Variants in PARP8 observed in about 807,000 individuals in gnomAD.
PARP8 encodes the protein poly(ADP-ribose) polymerase family member 8.
PARP8 carries 51 observed loss-of-function variants against 124.1 expected under a neutral mutation model. That is an observed-to-expected ratio of 0.41 (90% CI 0.33 to 0.52). The LOEUF is 0.52. Among genes scored for constraint, PARP8 ranks in the 20% least tolerant of loss-of-function variants. The pLI, the probability that PARP8 is intolerant of heterozygous loss-of-function variation, is 0.21. For synonymous variants in PARP8, 391 were observed against 361.5 expected (o/e 1.08, Z -0.93); for missense variants, 860 against 1,018.9 (o/e 0.84, Z 2.12).
chr5:50,827,560 A>G (rs1746486023), intron 19 of PARP8, among the ~76,000 whole-genome samples: 1 of 152,188 alleles, frequency 6.6e-6, no homozygotes, highest in Non-Finnish European at 1.5e-5. Flanking sequence ...AAACTCCAGA[A>G]TATTTCCCCA....
At chr5:50,768,671 C>A (rs1761291275) in intron 7 of PARP8, among the ~76,000 whole-genome samples, 1 of 152,150 alleles carries the variant, frequency 6.6e-6, no homozygotes, top group South Asian at 2.1e-4. Flanking sequence ...TGTCTAGCTT[C>A]ACAATTCAAG....
chr5:50,748,065 A>G (rs1758811266), intron 2 of PARP8, among the ~76,000 whole-genome samples: 1 of 151,680 alleles, frequency 6.6e-6, no homozygotes, highest in Non-Finnish European at 1.5e-5. Flanking sequence ...TTCAGGCTCT[A>G]TTTACTTTTT....
chr5:50,707,566 T>G (rs1239019271), intron 2 of PARP8, among the ~76,000 whole-genome samples: 1 of 151,696 alleles, frequency 6.6e-6, no homozygotes, highest in African/African-American at 2.4e-5. Flanking sequence ...TTTGAAGATT[T>G]ACCCTTTGGA....
chr5:50,778,140 A>C lies in PARP8; in HGVS notation c.579+11A>C, dbSNP rs1387101177. ...GTTAGCTTTCTTGATGTAAGTATCA[A>C]TTTTATGTAATATGAATGGTGCATT... On this transcript the variant is annotated intron_variant, in intron 8 of 25. Transcript: ENST00000281631. 6.5e-7 allele frequency: 1 copy of C among 1,540,014 alleles called. No individual in the cohort carries two copies. Among genetic ancestry groups the C allele is most frequent in the Admixed American group, 1.8e-5 (1 of 56,266 alleles).
chr5:50,837,780 A>C (rs947730709), intron 25 of PARP8, among the ~76,000 whole-genome samples: 5 of 151,980 alleles, frequency 3.3e-5, no homozygotes, highest in African/African-American at 1.2e-4. Flanking sequence ...TAAAAATTTA[A>C]AGGAAGATAT....
intron 1 of PARP8, chr5:50,667,459 G>T: frequency 1.4e-6 from 1 of 700,418 alleles, no homozygotes; most frequent in Non-Finnish European, 2.6e-6. Context: ...GGGGCAGTGC[G>T]TGGTATTTCC....
intron 2 of PARP8, among the ~76,000 whole-genome samples, chr5:50,704,805 A>G (rs926090427): frequency 5.9e-5 from 9 of 152,204 alleles, no homozygotes; most frequent in Non-Finnish European, 1.2e-4. Context: ...GTAGCTTGCA[A>G]TATATTTCTT....
At chr5:50,835,981 A>G (rs1388074026) in intron 25 of PARP8, among the ~76,000 whole-genome samples, 6 of 152,144 alleles carry the variant, frequency 3.9e-5, no homozygotes, top group Non-Finnish European at 8.8e-5. Flanking sequence ...TACTTTATGT[A>G]GTATATTTAA....
At position 50,794,872 on chromosome 5, in the gene PARP8, C is replaced by A. The variant is rs1465355709; in HGVS notation, c.883C>A (p.Pro295Thr). Residue 295 changes from proline (P) to threonine (T), a missense_variant, in exon 12 of 26, where the codon CCT becomes ACT. Coordinates refer to ENST00000281631, the MANE Select transcript of PARP8 (RefSeq NM_024615.4). ...TLRRSPSYPP[P>T]GCGKSKSKLK... ...TTGAAGGTCGCCAAGTTATCCTCCC[C>A]CTGGTTGTGGCAAAAGCAAATCCAA... 2 of 1,613,748 alleles carry A rather than the reference C, an allele frequency of 1.2e-6. No individual in the cohort carries two copies. The highest frequency in any genetic ancestry group is 1.7e-5 in the Admixed American group (1 of 60,000).
intron 14 of PARP8, among the ~76,000 whole-genome samples, chr5:50,814,736 C>T (rs757653403): frequency 1.3e-5 from 2 of 152,158 alleles, no homozygotes; most frequent in South Asian, 2.1e-4. Context: ...GCAGAGGCAC[C>T]GTGGATTGCA....
In PARP8 at chr5:50,763,162, G is replaced by A. The variant is rs1760729127; in HGVS notation, c.438G>A (p.Gly146=). 6.2e-7 allele frequency: 1 copy of A among 1,612,920 alleles called. No homozygotes were observed. The highest frequency in any genetic ancestry group is 1.1e-5 in the South Asian group (1 of 91,054). Residue 146 remains glycine (G), a synonymous_variant, in exon 7 of 26, where the codon GGG becomes GGA. Coordinates refer to ENST00000281631, the MANE Select transcript of PARP8 (RefSeq NM_024615.4). ...CTTTTCATCAGGTGAACTATGATGG[G>A]GAACTGCACAAGCACCCACAACTGG... ...FYYGGQVNYD[G]ELHKHPQLEA...
intron 2 of PARP8, among the ~76,000 whole-genome samples, chr5:50,693,216 G>A (rs1354775811): frequency 3.9e-5 from 6 of 152,166 alleles, no homozygotes; most frequent in African/African-American, 1.4e-4. Context: ...CCTGCCTCAA[G>A]TAAAGTTTGA....
chr5:50,667,519 A>AGCG (rs957022674), intron 1 of PARP8: 3 of 697,066 alleles, frequency 4.3e-6, no homozygotes, highest in African/African-American at 3.7e-5. Flanking sequence ...GGGTTCCAGC[A>AGCG]GCGGCGGCAG....
chr5:50,747,413 A>C (rs113775711), intron 2 of PARP8, among the ~76,000 whole-genome samples: 1 of 151,950 alleles, frequency 6.6e-6, no homozygotes, highest in Non-Finnish European at 1.5e-5. Flanking sequence ...GTAGTGTTCT[A>C]TGAAAATCAG....
intron 3 of PARP8, among the ~76,000 whole-genome samples, chr5:50,751,861 A>G: frequency 6.6e-6 from 1 of 152,256 alleles, no homozygotes; most frequent in East Asian, 1.9e-4. Flanking sequence ...TGTTTTCCCC[A>G]TTATTAAATT....
At chr5:50,798,874 G>T (rs2149659163) in intron 14 of PARP8, among the ~76,000 whole-genome samples, 1 of 152,252 alleles carries the variant, frequency 6.6e-6, no homozygotes, top group East Asian at 1.9e-4. Flanking sequence ...CATGTCTTTG[G>T]AGAAATGCCT....
At chr5:50,686,683 T>C (rs1751904215) in intron 2 of PARP8, among the ~76,000 whole-genome samples, 1 of 152,214 alleles carries the variant, frequency 6.6e-6, no homozygotes, top group Non-Finnish European at 1.5e-5. Flanking sequence ...CTCTAAAATC[T>C]AGAGAGAGGT....
At chr5:50,832,149 C>T (rs1056602021) in intron 22 of PARP8, among the ~76,000 whole-genome samples, 1 of 152,186 alleles carries the variant, frequency 6.6e-6, no homozygotes, top group Non-Finnish European at 1.5e-5. Flanking sequence ...AAAATCAACA[C>T]CTATCTCAAC....
intron 2 of PARP8, among the ~76,000 whole-genome samples, chr5:50,696,682 T>C (rs1229133024): frequency 1.3e-5 from 2 of 152,328 alleles, no homozygotes; most frequent in African/African-American, 4.8e-5. Context: ...TTGACTTAAC[T>C]GACATCACTT....
Sources: gnomAD v4.1 joint callset for allele counts (sites outside exome capture counted in the v4.1 genomes callset) on GRCh38, gnomAD v4.1.1 for gene constraint, MANE v1.5 for transcripts, NCBI Gene and HGNC (gene_info 2026-07-23, HGNC 2026-07-21) for gene names.